The following VWA8 variants were observed in gnomAD, a reference collection of about 807,000 sequenced individuals.
VWA8 encodes the protein von Willebrand factor A domain containing 8.
A neutral mutation model predicts 241.5 loss-of-function variants in VWA8; 221 were observed. The ratio of observed to expected loss-of-function variants is 0.91; its 90% CI spans 0.82 to 1.02. The LOEUF (loss-of-function observed/expected upper bound fraction) is 1.02. Among genes scored for constraint, VWA8 ranks in the 50% least tolerant of loss-of-function variants. The pLI is 0.00. For missense variants in VWA8, 2,322 were observed against 2,328.7 expected, an observed-to-expected ratio of 1.00 and a Z score of 0.06; for synonymous variants, 852 against 827.1, an observed-to-expected ratio of 1.03 and a Z score of -0.52.
rs202017651 is a variant in VWA8, at chr13:41,685,103, T to C, written c.4271A>G (p.Gln1424Arg). Residue 1424 changes from glutamine (Q) to arginine (R), a missense_variant, in exon 35 of 45, where the codon CAG (glutamine) becomes CGG (arginine). Physicochemically the swap from Gln to Arg is conservative, Grantham distance 43 (BLOSUM62 1). Transcript: ENST00000379310. ...TCCTGGGGGTAAAATCCTCACTACCTGATTCGTATCTAAAAGAGTCACACA... is the reference window on the plus strand; with the variant it reads ...TCCTGGGGGTAAAATCCTCACTACCCGATTCGTATCTAAAAGAGTCACACA... The part of the protein sequence containing the change: ...SNCVTLLDTN[Q>R]VVRILPPGEV... 5.6e-6 allele frequency: 9 copies of C among 1,613,668 alleles called. No individual in the cohort carries two copies. Among genetic ancestry groups the C allele is most frequent in the African/African-American group, 2.7e-5 (2 of 75,026 alleles).
chr13:41,647,444 A>G (rs2044839006), intron 37 of VWA8, among the ~76,000 whole-genome samples: 1 of 152,240 alleles, frequency 6.6e-6, no homozygotes, highest in Non-Finnish European at 1.5e-5. Flanking sequence ...TGTTCATTTA[A>G]AAGACTTATT....
At chr13:41,923,998 G>C (rs1376564207) in intron 2 of VWA8, among the ~76,000 whole-genome samples, 1 of 151,764 alleles carries the variant, frequency 6.6e-6, no homozygotes, top group Admixed American at 6.6e-5. Context: ...ACACACAAAT[G>C]AAAAAGCAAA....
intron 2 of VWA8, among the ~76,000 whole-genome samples, chr13:41,932,753 T>C (rs904053772): frequency 6.6e-6 from 1 of 151,772 alleles, no homozygotes; most frequent in African/African-American, 2.4e-5. Flanking sequence ...AAAAAGCACT[T>C]GATGACATCC....
intron 3 of VWA8, among the ~76,000 whole-genome samples, chr13:41,911,227 C>T (rs1442901468): frequency 6.6e-6 from 1 of 152,010 alleles, no homozygotes; most frequent in East Asian, 1.9e-4. Context: ...CCATACCCTG[C>T]TAATTTTTGT....
intron 20 of VWA8, among the ~76,000 whole-genome samples, chr13:41,769,161 A>C (rs919012847): frequency 3.3e-5 from 5 of 152,190 alleles, no homozygotes; most frequent in African/African-American, 9.6e-5. Context: ...CCTACCTCGG[A>C]CTCCCGAAGT....
intron 37 of VWA8, among the ~76,000 whole-genome samples, chr13:41,666,829 T>C (rs957773081): frequency 6.6e-6 from 1 of 152,194 alleles, no homozygotes; most frequent in African/African-American, 2.4e-5. Flanking sequence ...ATCATCTTGC[T>C]GAAACCCAGC....
chr13:41,879,002 C>T (rs568435614), intron 9 of VWA8, among the ~76,000 whole-genome samples: 8 of 152,072 alleles, frequency 5.3e-5, no homozygotes, highest in Admixed American at 3.9e-4. Flanking sequence ...ATCAGAACTT[C>T]TCATGAGTTT....
chr13:41,819,145 T>C lies in VWA8; in HGVS notation c.1869+73A>G. On this transcript the variant is annotated intron_variant, in intron 15 of 44. Coordinates refer to ENST00000379310, the MANE Select transcript of VWA8 (RefSeq NM_015058.2). ...AAACTAAAAATGTCTAACTCTACTTTGGCATGTATCAGAGTGCCTTAAAAA... is the reference window on the plus strand; with the variant it reads ...AAACTAAAAATGTCTAACTCTACTTCGGCATGTATCAGAGTGCCTTAAAAA... The C allele has an allele frequency of 2.1e-6, 3 of 1,453,306 alleles. No homozygotes were observed. The South Asian group carries it at 4.1e-5, about 20-fold the overall frequency. 90.0% of individuals were successfully genotyped at this position (1,453,306 alleles called of 1,614,324 possible). A position where few individuals can be genotyped will look rare whatever the true frequency, so the allele number is the denominator to read the frequency against.
chr13:41,720,068 C>T (rs898274448), intron 25 of VWA8, among the ~76,000 whole-genome samples: 1 of 152,044 alleles, frequency 6.6e-6, no homozygotes. Context: ...AGTACCAGAT[C>T]GAACAGTTTA....
At chr13:41,606,369 G>A (rs561513708) in intron 39 of VWA8, among the ~76,000 whole-genome samples, 3 of 152,266 alleles carry the variant, frequency 2.0e-5, no homozygotes, top group East Asian at 3.9e-4. Context: ...TAAACCGTCA[G>A]TAGAAAGTTC....
intron 37 of VWA8, among the ~76,000 whole-genome samples, chr13:41,638,679 G>A (rs1196298520): frequency 6.6e-6 from 1 of 152,200 alleles, no homozygotes; most frequent in African/African-American, 2.4e-5. Flanking sequence ...AGGAGGCAGG[G>A]CCCTGTTGGA....
chr13:41,621,403 G>C (rs1230625321), intron 37 of VWA8, among the ~76,000 whole-genome samples: 1 of 152,094 alleles, frequency 6.6e-6, no homozygotes, highest in Non-Finnish European at 1.5e-5. Context: ...GTAAGTCAAG[G>C]AGCATTTGTA....
chr13:41,833,371 C>T lies in VWA8; in HGVS notation c.1586G>A (p.Arg529Lys). ...TGTGATTTTTGTGACTCATACCCAC[C>T]TTTGCAATACAGCAAGCGTGCCCGC... ...VNAGTLAVLQ[R>K]LIHDRELSLY... The change falls in exon 13 of 45, where the codon AGG becomes AAG. Residue 529 changes from arginine (R) to lysine (K), a missense_variant and splice_region_variant. Arg to Lys is a conservative substitution (Grantham distance 26). Transcript: ENST00000379310. The T allele has an allele frequency of 6.2e-7, 1 of 1,606,162 alleles. No individual in the cohort carries two copies. Among genetic ancestry groups the T allele is most frequent in the Non-Finnish European group, 8.5e-7 (1 of 1,176,484 alleles).
rs889596798 is a variant in VWA8, at chr13:41,611,818, T to C, written c.4721-86A>G. ...GGGTCATGGTTTTAGGACAGCCTTG[T>C]GGAGGATATTAATTGTACTTAACTA... On this transcript the variant is annotated intron_variant, in intron 38 of 44. Coordinates refer to ENST00000379310, the MANE Select transcript of VWA8 (RefSeq NM_015058.2). 9 of 1,468,634 alleles carry C rather than the reference T, an allele frequency of 6.1e-6. No homozygotes were observed. In the Admixed American group the frequency reaches 1.7e-4, roughly 28 times the overall value. 91.0% of individuals were successfully genotyped at this position (1,468,634 alleles called of 1,614,324 possible). A position where few individuals can be genotyped will look rare whatever the true frequency, so the allele number is the denominator to read the frequency against.
intron 2 of VWA8, among the ~76,000 whole-genome samples, chr13:41,938,121 T>C (rs911948088): frequency 9.3e-5 from 14 of 150,082 alleles, no homozygotes; most frequent in Admixed American, 9.3e-4. Context: ...AGATCGCCAC[T>C]GCACTCCAGC....
intron 21 of VWA8, among the ~76,000 whole-genome samples, chr13:41,752,652 A>G (rs1024469800): frequency 6.6e-6 from 1 of 152,172 alleles, no homozygotes; most frequent in Non-Finnish European, 1.5e-5. Context: ...AGAAACTACT[A>G]CAGTGCAAAC....
chr13:41,571,814 C>T (rs1467890408), intron 43 of VWA8, among the ~76,000 whole-genome samples: 2 of 151,964 alleles, frequency 1.3e-5, no homozygotes, highest in Non-Finnish European at 2.9e-5. Context: ...CGCCCATCGT[C>T]TGGGATGTGA....
intron 17 of VWA8, among the ~76,000 whole-genome samples, chr13:41,800,565 G>T (rs1419344883): frequency 6.6e-6 from 1 of 151,720 alleles, no homozygotes; most frequent in African/African-American, 2.4e-5. Flanking sequence ...GAGGCAGGAG[G>T]ATCATGAAGT....
intron 37 of VWA8, among the ~76,000 whole-genome samples, chr13:41,637,564 A>T (rs1330171957): frequency 6.6e-6 from 1 of 151,568 alleles, no homozygotes; most frequent in South Asian, 2.1e-4. Flanking sequence ...AAAGTATAAT[A>T]AAAAAAAGAA....
Sources: gnomAD v4.1 joint callset for allele counts (sites outside exome capture counted in the v4.1 genomes callset) on GRCh38, gnomAD v4.1.1 for gene constraint, MANE v1.5 for transcripts, NCBI Gene and HGNC (gene_info 2026-07-23, HGNC 2026-07-21) for gene names.